CCSER2: variants seen among roughly 807,000 people sequenced by gnomAD.
CCSER2 encodes coiled-coil serine rich protein 2.
In CCSER2, 46 loss-of-function variants were observed where a neutral mutation model predicts 92.3. The ratio of observed to expected loss-of-function variants is 0.50; its 90% confidence interval spans 0.39 to 0.64. CCSER2 has a LOEUF of 0.64. Ranked by LOEUF, CCSER2 falls within the 30% of genes least tolerant of loss-of-function variation. The pLI, the probability that CCSER2 is intolerant of heterozygous loss-of-function variation, is 0.00. For missense variants in CCSER2, 1,244 were observed against 1,238.9 expected (o/e 1.00, Z -0.06); for synonymous variants, 433 against 431.4 (o/e 1.00, Z -0.04).
chr10:84,413,715 G>T (rs1564639609), intron 3 of CCSER2, among the ~76,000 whole-genome samples: 2 of 152,066 alleles, frequency 1.3e-5, no homozygotes, highest in African/African-American at 4.8e-5. Context: ...TTTCTGTCCT[G>T]ATGATCTTTC....
intron 6 of CCSER2, among the ~76,000 whole-genome samples, chr10:84,460,671 G>A (rs1358765194): frequency 6.6e-6 from 1 of 151,666 alleles, no homozygotes; most frequent in Non-Finnish European, 1.5e-5. Context: ...TGTTTACACA[G>A]CTTATCTATT....
intron 9 of CCSER2, among the ~76,000 whole-genome samples, chr10:84,507,717 C>T (rs1002750901): frequency 9.2e-5 from 14 of 152,156 alleles, no homozygotes; most frequent in African/African-American, 2.7e-4. Context: ...TTTCCGTATG[C>T]TAATGCTGTA....
chr10:84,340,996 AAC>A (rs1366793698), intron 1 of CCSER2, among the ~76,000 whole-genome samples: 4 of 151,978 alleles, frequency 2.6e-5, no homozygotes, highest in Non-Finnish European at 5.9e-5. Context: ...AGGAAAGAAA[AAC>A]AGTGTTTTTC....
intron 6 of CCSER2, among the ~76,000 whole-genome samples, chr10:84,450,248 G>A (rs1237010134): frequency 1.3e-5 from 2 of 152,140 alleles, no homozygotes; most frequent in African/African-American, 4.8e-5. Context: ...GGTTAAAACC[G>A]GTTAGTGGGT....
chr10:84,345,445 A>G (rs1196568387), intron 1 of CCSER2, among the ~76,000 whole-genome samples: 2 of 152,196 alleles, frequency 1.3e-5, no homozygotes, highest in Non-Finnish European at 2.9e-5. Context: ...CCATCTAATC[A>G]TTTTGGATAA....
chr10:84,440,046 G>C (rs1844429872), intron 6 of CCSER2, among the ~76,000 whole-genome samples: 1 of 152,148 alleles, frequency 6.6e-6, no homozygotes, highest in Non-Finnish European at 1.5e-5. Flanking sequence ...CCTGAATCAT[G>C]AAGCATGACT....
chr10:84,426,211 T>C (rs955595907), intron 5 of CCSER2, among the ~76,000 whole-genome samples: 2 of 152,318 alleles, frequency 1.3e-5, no homozygotes, highest in East Asian at 3.8e-4. Context: ...TTTCTTAGTT[T>C]TTCCAAATAA....
At chr10:84,384,716 C>T (rs184033710) in intron 3 of CCSER2, among the ~76,000 whole-genome samples, 66 of 152,174 alleles carry the variant, frequency 4.3e-4, no homozygotes, top group East Asian at 2.5e-3. Context: ...TGGAACAAGA[C>T]GAGGATATCC....
At chr10:84,481,367 A>G (rs1364644717) in intron 9 of CCSER2, among the ~76,000 whole-genome samples, 1 of 151,740 alleles carries the variant, frequency 6.6e-6, no homozygotes, top group African/African-American at 2.4e-5. Context: ...GTGTATATCA[A>G]TACACAAAAT....
chr10:84,506,683 A>G (rs1030246219), intron 9 of CCSER2, among the ~76,000 whole-genome samples: 1 of 151,970 alleles, frequency 6.6e-6, no homozygotes, highest in African/African-American at 2.4e-5. Flanking sequence ...AATACCATCT[A>G]CTTGGGAGGC....
At chr10:84,470,562 C>G (rs777147500) in intron 8 of CCSER2, 104 bp downstream of exon 8, 4 of 949,854 alleles carry the variant, frequency 4.2e-6, no homozygotes, top group Non-Finnish European at 5.6e-6. Context: ...TTTTGGCTCT[C>G]AAAGTTGCAC....
chr10:84,439,811 T>C (rs1844414917), intron 6 of CCSER2, among the ~76,000 whole-genome samples: 2 of 152,234 alleles, frequency 1.3e-5, no homozygotes, highest in South Asian at 4.1e-4. Flanking sequence ...ATCCAGACAT[T>C]GAGCTTACAG....
chr10:84,415,949 G>A (rs1186776128), intron 3 of CCSER2, among the ~76,000 whole-genome samples: 1 of 152,168 alleles, frequency 6.6e-6, no homozygotes, highest in Non-Finnish European at 1.5e-5. Context: ...CACTCCTAGT[G>A]GTATGTAGGG....
intron 1 of CCSER2, among the ~76,000 whole-genome samples, chr10:84,332,272 C>T (rs1049833990): frequency 2.6e-5 from 4 of 151,302 alleles, no homozygotes; most frequent in Admixed American, 6.6e-5. Context: ...ATTTGTCCAT[C>T]GTCCATAAAT....
chr10:84,441,741 T>TG (rs1844567633), intron 6 of CCSER2, among the ~76,000 whole-genome samples: 1 of 19,024 alleles, frequency 5.3e-5, no homozygotes, highest in African/African-American at 2.5e-4. Flanking sequence ...AAAATGTTTT[T>TG]TTTTTTTTTT....
intron 5 of CCSER2, among the ~76,000 whole-genome samples, chr10:84,436,353 A>AAAAAG (rs59522717): frequency 1.2e-4 from 12 of 96,570 alleles, no homozygotes; most frequent in Non-Finnish European, 1.7e-4. Context: ...AAAAAAAAAA[A>AAAAAG]TGCCGGGCGC....
At chr10:84,511,585 A>G (rs904129786) in intron 9 of CCSER2, among the ~76,000 whole-genome samples, 2 of 152,228 alleles carry the variant, frequency 1.3e-5, no homozygotes, top group African/African-American at 4.8e-5. Context: ...TTTAACTTGG[A>G]ACTAGAATAT....
At chr10:84,457,003 A>G (rs911809005) in intron 6 of CCSER2, among the ~76,000 whole-genome samples, 5 of 150,936 alleles carry the variant, frequency 3.3e-5, no homozygotes, top group African/African-American at 1.2e-4. Flanking sequence ...AAACAAATGG[A>G]TATTTTTAAA....
chr10:84,460,428 T>C (rs911169951), intron 6 of CCSER2, among the ~76,000 whole-genome samples: 2 of 151,974 alleles, frequency 1.3e-5, no homozygotes, highest in African/African-American at 2.4e-5. Flanking sequence ...ACATGAAGAA[T>C]ATTGATCTGT....
Sources: gnomAD v4.1 joint callset for allele counts (sites outside exome capture counted in the v4.1 genomes callset) on GRCh38, gnomAD v4.1.1 for gene constraint, MANE v1.5 for transcripts, NCBI Gene and HGNC (gene_info 2026-07-23, HGNC 2026-07-21) for gene names.